The following EFCC1 variants were observed in gnomAD, a reference collection of about 807,000 sequenced individuals.
EFCC1 encodes EF-hand and coiled-coil domain-containing protein 1.
EFCC1 carries 50 observed loss-of-function variants against 52.1 expected under a neutral mutation model. The observed-to-expected ratio is 0.96, with a 90% CI of 0.76 to 1.21. The LOEUF is 1.21. Ranked by LOEUF, EFCC1 falls within the 50% of genes most tolerant of loss-of-function variation. The pLI is 0.00. For synonymous variants in EFCC1, 399 were observed against 396.5 expected (o/e 1.01, Z -0.08); for missense variants, 837 against 867.3 (o/e 0.97, Z 0.44).
At chr3:129,039,633 T>C in intron 7 of EFCC1, 79 bp from the exon 8 acceptor site, 1 of 1,509,142 alleles carries the variant, frequency 6.6e-7, no homozygotes, top group Non-Finnish European at 8.9e-7. Context: ...TGGCTGGGTC[T>C]CAGGAAGGAG....
At position 129,010,526 on chromosome 3, in the gene EFCC1, G is replaced by A. The variant is rs1349154249; in HGVS notation, c.980+6449G>A. 6.6e-6 allele frequency among the ~76,000 whole-genome samples: 1 copy of A among 152,158 alleles called. No homozygotes were observed. Among genetic ancestry groups the A allele is most frequent in the African/African-American group, 2.4e-5 (1 of 41,436 alleles). On this transcript the variant is annotated intron_variant, in intron 2 of 7. Coordinates refer to ENST00000683648, the MANE Select transcript of EFCC1 (RefSeq NM_001377500.1). The surrounding 1 kb of genome is among the most constrained non-coding windows in gnomAD (Gnocchi z 4.3). ...TGGAGGAAAGGGGGTGGGAGAGGGAGGGAGGAGGGACGGCAATTGGCTGGC... is the reference window on the plus strand; with the variant it reads ...TGGAGGAAAGGGGGTGGGAGAGGGAAGGAGGAGGGACGGCAATTGGCTGGC...
chr3:129,002,157 C>A lies in EFCC1; in HGVS notation c.529C>A (p.Arg177Ser), dbSNP rs1486051752. Residue 177 changes from arginine (R) to serine (S), a missense_variant, in exon 1 of 8, where the codon CGC becomes AGC. Coordinates refer to ENST00000683648, the MANE Select transcript of EFCC1 (RefSeq NM_001377500.1). ...SEHIETQIRL[R>S]RPRRRRRPPC... ...GCACATCGAGACGCAGATCCGCCTG[C>A]GCCGTCCGCGCCGCCGCCGCCGCCC... 2.0e-6 allele frequency: 3 copies of A among 1,470,706 alleles called. No individual in the cohort carries two copies. The highest frequency in any genetic ancestry group is 2.7e-6 in the Non-Finnish European group (3 of 1,121,714). 91.1% of individuals were successfully genotyped at this position (1,470,706 alleles called of 1,614,324 possible).
chr3:129,003,784 G>T lies in EFCC1; in HGVS notation c.697-10G>T. The T allele has an allele frequency of 7.0e-7, 1 of 1,435,710 alleles. No homozygotes were observed. The highest frequency in any genetic ancestry group is 9.1e-7 in the Non-Finnish European group (1 of 1,099,598). The allele number at this position is 1,435,710 out of a possible 1,614,324, so 88.9% of individuals were successfully genotyped here. A position where few individuals can be genotyped will look rare whatever the true frequency, so the allele number is the denominator to read the frequency against. On this transcript the variant is annotated splice_polypyrimidine_tract_variant and intron_variant, in intron 1 of 7. Coordinates refer to ENST00000683648, the MANE Select transcript of EFCC1 (RefSeq NM_001377500.1). ...ACTTACCCCCTGCCCCTGCTGCCCT[G>T]TCCCCGCAGGTCGGACTCTGGAAGA...
At chr3:129,036,839 C>A in intron 5 of EFCC1, 138 bp from the exon 6 acceptor site, 2 of 1,242,616 alleles carry the variant, frequency 1.6e-6, no homozygotes, top group Non-Finnish European at 2.3e-6. Context: ...TCAGTCCAAC[C>A]CGCTGTGTGG....
intron 3 of EFCC1, among the ~76,000 whole-genome samples, chr3:129,032,320 A>T (rs1946288514): frequency 6.6e-6 from 1 of 152,024 alleles, no homozygotes; most frequent in Non-Finnish European, 1.5e-5. Context: ...TACCTCTGAG[A>T]CCACAAACAG....
chr3:129,028,891 T>G (rs541656610), intron 2 of EFCC1, among the ~76,000 whole-genome samples: 1 of 152,328 alleles, frequency 6.6e-6, no homozygotes, highest in Admixed American at 6.5e-5. Flanking sequence ...TCCACCCGCC[T>G]TGGCCTCCCA....
chr3:129,031,042 G>A (rs1247224131), intron 3 of EFCC1, among the ~76,000 whole-genome samples, 182 bp downstream of exon 3: 1 of 152,174 alleles, frequency 6.6e-6, no homozygotes, highest in Non-Finnish European at 1.5e-5. Flanking sequence ...CTAAGAACCT[G>A]GGCCTAGAGA....
intron 2 of EFCC1, among the ~76,000 whole-genome samples, chr3:129,008,835 C>A (rs112616277): frequency 6.6e-6 from 1 of 152,204 alleles, no homozygotes; most frequent in Non-Finnish European, 1.5e-5. Flanking sequence ...TCCTAAGAGG[C>A]TCCTGGTCCC....
chr3:129,031,258 G>A (rs1946267179), intron 3 of EFCC1, among the ~76,000 whole-genome samples: 1 of 152,160 alleles, frequency 6.6e-6, no homozygotes, highest in South Asian at 2.1e-4. Flanking sequence ...GCAAAAGCTG[G>A]TCTCTACCAA....
intron 4 of EFCC1, among the ~76,000 whole-genome samples, chr3:129,033,838 G>A (rs1311843263): frequency 6.6e-6 from 1 of 152,228 alleles, no homozygotes; most frequent in Non-Finnish European, 1.5e-5. Flanking sequence ...AGATGCTGGG[G>A]GAAGAGCATT....
At position 129,003,902 on chromosome 3, in the gene EFCC1, GC is replaced by G; in HGVS notation, c.808del (p.Arg270AlafsTer69). Reference protein sequence around the residue: ...QAQGALAAAEARAGRLRRGQA... With the variant: ...QAQGALAAAEXRAGRLRRGQA... ...GCAGGGCGCCCTGGCTGCGGCGGAG[GC>G]CCGCGCTGGGCGGCTGCGCCGTGGC... On this transcript the variant is annotated frameshift_variant, in exon 2 of 8. Coordinates refer to ENST00000683648, the MANE Select transcript of EFCC1 (RefSeq NM_001377500.1). LOFTEE classifies it high-confidence loss of function. The G allele has an allele frequency of 7.3e-7, 1 of 1,362,020 alleles. No homozygotes were observed. The highest frequency in any genetic ancestry group is 1.7e-5 in the South Asian group (1 of 60,170). 84.4% of individuals were successfully genotyped at this position (1,362,020 alleles called of 1,614,324 possible).
chr3:129,011,301 A>G (rs950166475), intron 2 of EFCC1, among the ~76,000 whole-genome samples: 2 of 152,192 alleles, frequency 1.3e-5, no homozygotes, highest in Non-Finnish European at 2.9e-5. Context: ...CTGTAATCCC[A>G]ACACTTTGGG....
chr3:129,002,088 G>A lies in EFCC1; in HGVS notation c.460G>A (p.Gly154Ser), dbSNP rs1450297290. Residue 154 changes from glycine to serine, a missense_variant, in exon 1 of 8, where the codon GGC becomes AGC. Transcript: ENST00000683648. ...QFHARLCGYF[G>S]TRAGPRLPRG... ...CCACGCGCGCCTCTGTGGCTACTTC[G>A]GCACCCGTGCGGGGCCCCGGCTGCC... 4 of 1,522,766 alleles carry A rather than the reference G, an allele frequency of 2.6e-6. No homozygotes were observed. The highest frequency in any genetic ancestry group is 1.4e-5 in the African/African-American group (1 of 69,852). The allele number at this position is 1,522,766 out of a possible 1,614,324, so 94.3% of individuals were successfully genotyped here. A position where few individuals can be genotyped will look rare whatever the true frequency, so the allele number is the denominator to read the frequency against.
At chr3:129,027,088 C>A (rs566723576) in intron 2 of EFCC1, among the ~76,000 whole-genome samples, 4 of 152,274 alleles carry the variant, frequency 2.6e-5, no homozygotes, top group African/African-American at 9.6e-5. Context: ...CAACTTCCCG[C>A]TTCGTCGGTC....
intron 5 of EFCC1, 65 bp from the exon 6 acceptor site, chr3:129,036,912 G>C: frequency 6.2e-7 from 1 of 1,609,738 alleles, no homozygotes; most frequent in Non-Finnish European, 8.5e-7. Context: ...TGGAGTAGTT[G>C]ATCCTGCCAC....
intron 6 of EFCC1, among the ~76,000 whole-genome samples, chr3:129,038,077 AT>A (rs1186182931): frequency 6.8e-6 from 1 of 148,106 alleles, no homozygotes; most frequent in East Asian, 2.0e-4. Context: ...AAAAAAAAAA[AT>A]TAAAATTAAA....
chr3:129,008,517 T>C (rs1945174397), intron 2 of EFCC1, among the ~76,000 whole-genome samples: 1 of 152,256 alleles, frequency 6.6e-6, no homozygotes, highest in Admixed American at 6.5e-5. Flanking sequence ...CCTAACAGGA[T>C]GGACAATAAA....
At chr3:129,008,616 G>T (rs767128518) in intron 2 of EFCC1, among the ~76,000 whole-genome samples, 4 of 151,476 alleles carry the variant, frequency 2.6e-5, no homozygotes, top group Admixed American at 1.3e-4. Flanking sequence ...CACAATCCTT[G>T]GGACACAGAA....
intron 2 of EFCC1, among the ~76,000 whole-genome samples, chr3:129,011,099 G>C (rs892846236): frequency 6.6e-6 from 1 of 152,164 alleles, no homozygotes; most frequent in Non-Finnish European, 1.5e-5. Context: ...CTGGGAGTGT[G>C]ACCTGCAGCA....
Sources: gnomAD v4.1 joint callset for allele counts (sites outside exome capture counted in the v4.1 genomes callset) on GRCh38, gnomAD v4.1.1 for gene constraint, Gnocchi (gnomAD v3.1) non-coding constraint, MANE v1.5 for transcripts, NCBI Gene and HGNC (gene_info 2026-07-23, HGNC 2026-07-21) for gene names.